TTN: variants seen among roughly 807,000 people sequenced by gnomAD.
TTN encodes the protein connectin.
A neutral mutation model predicts 3,223.0 loss-of-function variants in TTN; 1,525 were observed. The ratio of observed to expected loss-of-function variants is 0.47; its 90% confidence interval spans 0.45 to 0.49. The LOEUF is 0.49. Ranked by LOEUF, TTN falls within the 20% of genes least tolerant of loss-of-function variation. The pLI is 0.00. For synonymous variants in TTN, 14,094 were observed against 15,161.0 expected, an observed-to-expected ratio of 0.93 and a Z score of 5.17; for missense variants, 40,786 against 43,424.0, an observed-to-expected ratio of 0.94 and a Z score of 5.40.
rs781196395 is a variant in TTN, at chr2:178,776,051, A to G, written c.5813T>C (p.Val1938Ala). ...EIQQREDFRS[V>A]LRRAPEPRPE... ...CCTTGGTTCAGGAGCTCTCCTAAGG[A>G]CAGACCTAAAATCTTCCCTCTGTTG... is the stretch of plus-strand genomic sequence containing the variant. The change falls in exon 28 of 363, where the codon GTC becomes GCC. Residue 1938 changes from valine (V) to alanine (A), a missense_variant. Val to Ala is a moderately conservative substitution (Grantham distance 64). Coordinates refer to ENST00000589042, the MANE Select transcript of TTN (RefSeq NM_001267550.2). 1.6e-5 allele frequency: 26 copies of G among 1,614,170 alleles called. No individual in the cohort carries two copies. The highest frequency in any genetic ancestry group is 1.6e-4 in the Middle Eastern group (1 of 6,062).
rs375818056 is a variant in TTN, at chr2:178,531,769, C to T, written c.104846G>A (p.Arg34949His). Residue 34949 changes from arginine (R) to histidine (H), a missense_variant, in exon 358 of 363, where the codon CGC becomes CAC. Transcript: ENST00000589042. Reference protein sequence around the residue: ...DHAPRITLRMRSHRVPCGQNT... With the variant: ...DHAPRITLRMHSHRVPCGQNT... ...TTGGCCACATGGTACCCTGTGCGAGCGCATTCTCAGTGTGATTCGAGGGGC... is the reference window on the plus strand; with the variant it reads ...TTGGCCACATGGTACCCTGTGCGAGTGCATTCTCAGTGTGATTCGAGGGGC... The T allele has an allele frequency of 7.4e-6, 12 of 1,613,940 alleles. No individual in the cohort carries two copies. Among genetic ancestry groups the T allele is most frequent in the Admixed American group, 3.3e-5 (2 of 60,008 alleles).
chr2:178,597,530 G>C lies in TTN; in HGVS notation c.57544+8C>G, dbSNP rs767254163. On this transcript the variant is annotated splice_region_variant and intron_variant, in intron 294 of 362. Coordinates refer to ENST00000589042, the MANE Select transcript of TTN (RefSeq NM_001267550.2). Reference sequence around the variant, plus strand: ...AAAAAGTTGCACAGACAAATTGAAAGTATTTACCTAATACATCAACAATAA... The same window carrying C: ...AAAAAGTTGCACAGACAAATTGAAACTATTTACCTAATACATCAACAATAA... 6.2e-7 allele frequency: 1 copy of C among 1,607,398 alleles called. No individual in the cohort carries two copies. The highest frequency in any genetic ancestry group is 1.1e-5 in the South Asian group (1 of 89,884).
rs1324677540 is a variant in TTN, at chr2:178,562,622, T to C, written c.83510A>G (p.Tyr27837Cys). The C allele has an allele frequency of 6.2e-7, 1 of 1,608,854 alleles. No homozygotes were observed. Among genetic ancestry groups the C allele is most frequent in the Non-Finnish European group, 8.5e-7 (1 of 1,178,198 alleles). Residue 27837 changes from tyrosine (Y) to cysteine (C), a missense_variant, in exon 326 of 363, where the codon TAC becomes TGC. By Grantham distance (194) the Tyr-to-Cys change is radical. Transcript: ENST00000589042. ...IENLQEGCSY[Y>C]FRVLASNEYG... ...TTCATTGGAAGCCAAGACTCGGAAG[T>C]AGTAAGAACATCCTTCTTGTAGATT...
At chr2:178,705,041 T>A in intron 103 of TTN, 75 bp from the exon 104 acceptor site, 1 of 1,570,420 alleles carries the variant, frequency 6.4e-7, no homozygotes, top group East Asian at 2.2e-5. Flanking sequence ...TATATTCAGC[T>A]TCCATTCTGG....
In TTN at chr2:178,800,498, G is replaced by A. The variant is rs1266254566; in HGVS notation, c.480C>T (p.Ser160=). 1 of 1,614,062 alleles carries A rather than the reference G, an allele frequency of 6.2e-7. No homozygotes were observed. The highest frequency in any genetic ancestry group is 2.2e-5 in the East Asian group (1 of 44,896). Residue 160 remains serine (S), a synonymous_variant, in exon 4 of 363, where the codon AGC becomes AGT. Transcript: ENST00000589042. The part of the protein sequence containing the change: ...FQISQEGDLY[S]LLIAEAYPED... The stretch of plus-strand genomic sequence containing the variant: ...CAGGGTATGCTTCTGCAATCAGTAA[G>A]CTGTAGAGGTCGCCTTCTTGTGAAA...
Position 178,574,332 on chromosome 2 carries a change from G to A in TTN, c.71800C>T (p.Leu23934=), listed in dbSNP as rs1465413205. Reference sequence around the variant, plus strand: ...GTTACTGTGTGTCTTGTAATATTTAGAGGTACTGGTTTTCCAGGTGGGTCA... The same window carrying A: ...GTTACTGTGTGTCTTGTAATATTTAAAGGTACTGGTTTTCCAGGTGGGTCA... ...PIDPPGKPVP[L]NITRHTVTLK... Residue 23934 remains leucine (L), a synonymous_variant, in exon 326 of 363, where the codon CTA becomes TTA. Coordinates refer to ENST00000589042, the MANE Select transcript of TTN (RefSeq NM_001267550.2). 1.9e-6 allele frequency: 3 copies of A among 1,613,450 alleles called. No homozygotes were observed. The highest frequency in any genetic ancestry group is 1.7e-6 in the Non-Finnish European group (2 of 1,179,668).
rs1451120123 is a variant in TTN at position 178,580,136 on chromosome 2, C to T, written c.67151G>A (p.Ser22384Asn). The T allele has an allele frequency of 1.9e-6, 3 of 1,613,158 alleles. No homozygotes were observed. The highest frequency in any genetic ancestry group is 2.5e-6 in the Non-Finnish European group (3 of 1,179,484). The part of the protein sequence containing the change: ...TWEPPIIDGG[S>N]PIINYVVQKR... ...TTGTACCACATAGTTTATGATGGGG[C>T]TTCCGCCATCAATAATGGGAGGCTC... The change falls in exon 318 of 363, where the codon AGC becomes AAC. Residue 22384 changes from serine to asparagine, a missense_variant. Transcript: ENST00000589042.
Position 178,649,287 on chromosome 2 carries a change from C to G in TTN, c.40018G>C (p.Val13340Leu). Reference sequence around the variant, plus strand: ...ACTTCTGGTTTTTTGGTAACAGGCACAGGTTCTTTCTTTACTGGAACAAGT... The same window carrying G: ...ACTTCTGGTTTTTTGGTAACAGGCAGAGGTTCTTTCTTTACTGGAACAAGT... ...KKLVPVKKEP[V>L]PVTKKPEVLP... The change falls in exon 213 of 363, where the codon GTG becomes CTG. Residue 13340 changes from valine (V) to leucine (L), a missense_variant. Physicochemically the swap from Val to Leu is conservative, Grantham distance 32. Coordinates refer to ENST00000589042, the MANE Select transcript of TTN (RefSeq NM_001267550.2). 2 of 1,483,852 alleles carry G rather than the reference C, an allele frequency of 1.3e-6. No individual in the cohort carries two copies. The highest frequency in any genetic ancestry group is 1.8e-6 in the Non-Finnish European group (2 of 1,124,516). 91.9% of individuals were successfully genotyped at this position (1,483,852 alleles called of 1,614,324 possible). A position where few individuals can be genotyped will look rare whatever the true frequency, so the allele number is the denominator to read the frequency against.
chr2:178,628,262 A>T (rs181411047), intron 240 of TTN, among the ~76,000 whole-genome samples: 1 of 152,198 alleles, frequency 6.6e-6, no homozygotes, highest in East Asian at 1.9e-4. Context: ...CAAATACTTC[A>T]GTCAATGCTG....
At position 178,741,383 on chromosome 2, in the gene TTN, A is replaced by G. The variant is rs1484447364; in HGVS notation, c.11850T>C (p.Ala3950=). 1 of 1,613,894 alleles carries G rather than the reference A, an allele frequency of 6.2e-7. No individual in the cohort carries two copies. The highest frequency in any genetic ancestry group is 1.3e-5 in the African/African-American group (1 of 75,044). Residue 3950 remains alanine (A), a synonymous_variant, in exon 48 of 363, where the codon GCT becomes GCC. Transcript: ENST00000589042. ...FLKELKPIRC[A]QGLPAIFEYT... is the part of the protein sequence containing the mutation. ...ACTCAAAGATGGCAGGAAGCCCTTGAGCACAGCGAATTGGTTTTAACTCCT... is the reference window on the plus strand; with the variant it reads ...ACTCAAAGATGGCAGGAAGCCCTTGGGCACAGCGAATTGGTTTTAACTCCT...
rs750148761 is a variant in TTN, at chr2:178,565,818, C to T, written c.80314G>A (p.Val26772Ile). 9 of 1,613,632 alleles carry T rather than the reference C, an allele frequency of 5.6e-6. No homozygotes were observed. The South Asian group carries it at 9.9e-5, about 18-fold the overall frequency. Residue 26772 changes from valine to isoleucine, a missense_variant, in exon 326 of 363, where the codon GTT (valine) becomes ATT (isoleucine). Physicochemically the swap from Val to Ile is conservative, Grantham distance 29. Coordinates refer to ENST00000589042, the MANE Select transcript of TTN (RefSeq NM_001267550.2). ...GGTTCAGCAGCTTTCACGGCATCAA[C>T]AGTTTCCACTGGAACACCAACTCCA... ...EFGVGVPVET[V>I]DAVKAAEPPS...
chr2:178,743,639 C>A (rs1409500022), intron 47 of TTN, among the ~76,000 whole-genome samples: 3 of 151,662 alleles, frequency 2.0e-5, no homozygotes, highest in African/African-American at 7.3e-5. Flanking sequence ...TTTTAAGAAA[C>A]AAGGTTTGAA....
intron 31 of TTN, 53 bp downstream of exon 31, chr2:178,773,785 G>A: frequency 6.2e-7 from 1 of 1,614,030 alleles, no homozygotes; most frequent in Non-Finnish European, 8.5e-7. Context: ...GCTCCTTGAA[G>A]TTCTTTATGT....
At chr2:178,695,771 C>G in intron 114 of TTN, 94 bp downstream of exon 114, 1 of 1,025,594 alleles carries the variant, frequency 9.8e-7, no homozygotes, top group Non-Finnish European at 1.3e-6. Flanking sequence ...AACTATTTCA[C>G]ATAAACTGCA....
chr2:178,544,180 A>G (rs371741687), intron 345 of TTN, 21 bp downstream of exon 345: 2 of 1,607,550 alleles, frequency 1.2e-6, no homozygotes, highest in African/African-American at 2.7e-5. Context: ...TAATTCACCT[A>G]AAAGCTTCTG....
At position 178,617,998 on chromosome 2, in the gene TTN, C is replaced by T. The variant is rs755971270; in HGVS notation, c.47353G>A (p.Asp15785Asn). Residue 15785 changes from aspartate (D) to asparagine (N), a missense_variant, in exon 253 of 363, where the codon GAT (aspartate) becomes AAT (asparagine). Coordinates refer to ENST00000589042, the MANE Select transcript of TTN (RefSeq NM_001267550.2). ...TAGTTTGTGATCTCAGCACCTCCAT[C>T]ATACTCTGGTGGTTCCCATGTCAGT... Reference protein sequence around the residue: ...VSLTWEPPEYDGGAEITNYVI... With the variant: ...VSLTWEPPEYNGGAEITNYVI... 1 of 1,612,616 alleles carries T rather than the reference C, an allele frequency of 6.2e-7. No individual in the cohort carries two copies. Among genetic ancestry groups the T allele is most frequent in the Non-Finnish European group, 8.5e-7 (1 of 1,179,120 alleles).
rs2086029072 is a variant in TTN, at chr2:178,753,163, G to A, written c.11272C>T (p.His3758Tyr). ...SVEGAPESIL[H>Y]ERIEQEIEME... ...TCAATCTCTTGTTCAATCCTCTCAT[G>A]CAAAATTGATTCAGGAGCTAAAATA... is the stretch of plus-strand genomic sequence containing the variant. The change falls in exon 47 of 363, where the codon CAT (histidine) becomes TAT (tyrosine). Residue 3758 changes from histidine to tyrosine, a missense_variant. Physicochemically the swap from His to Tyr is moderately conservative, Grantham distance 83. Transcript: ENST00000589042. 6.2e-7 allele frequency: 1 copy of A among 1,608,374 alleles called. No individual in the cohort carries two copies. The highest frequency in any genetic ancestry group is 2.2e-5 in the East Asian group (1 of 44,540).
rs371042435 is a variant in TTN at position 178,570,578 on chromosome 2, T to G, written c.75554A>C (p.Lys25185Thr). 64 of 1,613,426 alleles carry G rather than the reference T, an allele frequency of 4.0e-5. 1 individual carries two copies. In the South Asian group the frequency reaches 6.7e-4, roughly 17 times the overall value. ...VRVDSGNYIL[K>T]AKNVAGERSV... ...TCTTTCTCCTGCAACATTTTTGGCC[T>G]TCAGTATGTAATTTCCACTGTCGAC... Residue 25185 changes from lysine (K) to threonine (T), a missense_variant, in exon 326 of 363, where the codon AAG becomes ACG. Transcript: ENST00000589042.
Position 178,679,432 on chromosome 2 carries a change from T to C in TTN, c.33665-16A>G, listed in dbSNP as rs778022540. ...ACCTCAGGCACTTTAAAGATATTGT[T>C]TATTGTTAAGTTCTAACTACTAGTA... is the stretch of plus-strand genomic sequence containing the variant. On this transcript the variant is annotated splice_polypyrimidine_tract_variant and intron_variant, in intron 141 of 362. Coordinates refer to ENST00000589042, the MANE Select transcript of TTN (RefSeq NM_001267550.2). The C allele has an allele frequency of 1.7e-5, 27 of 1,611,380 alleles. No homozygotes were observed. In the Admixed American group the frequency reaches 4.5e-4, roughly 27 times the overall value.
Sources: allele counts gnomAD v4.1 joint callset (sites outside exome capture counted in the v4.1 genomes callset), GRCh38; gene constraint gnomAD v4.1.1; transcripts MANE v1.5; gene names NCBI Gene and HGNC (gene_info 2026-07-23, HGNC 2026-07-21).